The following DNAH1 variants were observed in gnomAD, a reference collection of about 807,000 sequenced individuals.
DNAH1 encodes dynein axonemal heavy chain 1.
DNAH1 carries 327 observed loss-of-function variants against 484.3 expected under a neutral mutation model. The observed-to-expected ratio is 0.68, with a 90% CI of 0.62 to 0.74. The LOEUF (loss-of-function observed/expected upper bound fraction) is 0.74. DNAH1 is among the 30% of genes least tolerant of loss of function. DNAH1 has a pLI of 0.00. For missense variants in DNAH1, 5,052 were observed against 5,546.8 expected, an observed-to-expected ratio of 0.91 and a Z score of 2.83; for synonymous variants, 2,192 against 2,191.9, an observed-to-expected ratio of 1.00 and a Z score of 0.00.
chr3:52,393,112 C>G, intron 65 of DNAH1, 87 bp downstream of exon 65: 1 of 1,506,288 alleles, frequency 6.6e-7, no homozygotes, highest in Non-Finnish European at 9.1e-7. Context: ...AAACTCACAA[C>G]TGTGTTCACT....
intron 8 of DNAH1, 124 bp from the exon 9 acceptor site, chr3:52,344,366 T>C: frequency 8.2e-7 from 1 of 1,222,032 alleles, no homozygotes; most frequent in Non-Finnish European, 1.1e-6. Context: ...GGTGTGCCCA[T>C]GAATCCAGAA....
Position 52,361,667 on chromosome 3 carries a change from G to A in DNAH1, c.4881G>A (p.Gly1627=). The A allele has an allele frequency of 5.6e-6, 9 of 1,604,964 alleles. No individual in the cohort carries two copies. The highest frequency in any genetic ancestry group is 7.7e-6 in the Non-Finnish European group (9 of 1,176,022). The change falls in exon 30 of 78, where the codon GGG becomes GGA. Residue 1627 remains glycine (G), a synonymous_variant. Transcript: ENST00000420323. The surrounding 1 kb of genome is among the most constrained non-coding windows in gnomAD (Gnocchi z 5.6). ...GKFFKGLASA[G]AWACFDEFNR... ...ATGTTCCGGCCTCACTCAGTGCTGG[G>A]GCCTGGGCCTGCTTCGACGAGTTCA...
intron 73 of DNAH1, 66 bp downstream of exon 73, chr3:52,397,110 C>A: frequency 7.0e-7 from 1 of 1,435,510 alleles, no homozygotes. Flanking sequence ...GTACCATGAG[C>A]ACCTTGGTGC....
At chr3:52,338,002 C>T (rs905105273) in intron 8 of DNAH1, among the ~76,000 whole-genome samples, 12 of 152,012 alleles carry the variant, frequency 7.9e-5, no homozygotes, top group African/African-American at 2.9e-4. Context: ...CTATGTTGCC[C>T]AGCCTGGTCT....
chr3:52,353,514 A>T lies in DNAH1; in HGVS notation c.3361A>T (p.Asn1121Tyr). The T allele has an allele frequency of 1.9e-6, 3 of 1,613,930 alleles. No homozygotes were observed. The highest frequency in any genetic ancestry group is 2.5e-6 in the Non-Finnish European group (3 of 1,179,902). The change falls in exon 20 of 78, where the codon AAT becomes TAT. Residue 1121 changes from asparagine (N) to tyrosine (Y), a missense_variant. Coordinates refer to ENST00000420323, the MANE Select transcript of DNAH1 (RefSeq NM_015512.5). This position sits in a 1 kb window ranked among gnomAD's most constrained non-coding sequence, Gnocchi z 5.0. ...WETLSNQINI[N>Y]VRPKANLTFA... The stretch of plus-strand genomic sequence containing the variant: ...GACACTGTCCAACCAGATCAACATC[A>T]ATGTCAGGCCCAAGGCCAACCTGAC...
At chr3:52,385,987 A>T (rs966661255) in intron 54 of DNAH1, among the ~76,000 whole-genome samples, 173 bp from the exon 55 acceptor site, 6 of 152,348 alleles carry the variant, frequency 3.9e-5, no homozygotes, top group African/African-American at 1.2e-4. Flanking sequence ...CGCCAGGCCC[A>T]TGGTGAGCAC....
chr3:52,393,814 G>A (rs935468577), intron 66 of DNAH1, among the ~76,000 whole-genome samples: 4 of 152,190 alleles, frequency 2.6e-5, no homozygotes, highest in South Asian at 2.1e-4. Flanking sequence ...CAGGAGAATC[G>A]CTTGAACCCA....
At position 52,360,377 on chromosome 3, in the gene DNAH1, G is replaced by T; in HGVS notation, c.4638G>T (p.Glu1546Asp). ...ATGCTGAGTTCATCTATGGCTATGAGTACCTGGGCAACAGTGGGAGGCTGG... is the reference window on the plus strand; with the variant it reads ...ATGCTGAGTTCATCTATGGCTATGATTACCTGGGCAACAGTGGGAGGCTGG... Reference protein sequence around the residue: ...AVNAEFIYGYEYLGNSGRLVI... With the variant: ...AVNAEFIYGYDYLGNSGRLVI... The change falls in exon 28 of 78, where the codon GAG becomes GAT. Residue 1546 changes from glutamate to aspartate, a missense_variant. By Grantham distance (45) the Glu-to-Asp change is conservative (BLOSUM62 2). Transcript: ENST00000420323. 6.2e-7 allele frequency: 1 copy of T among 1,614,004 alleles called. No individual in the cohort carries two copies. Among genetic ancestry groups the T allele is most frequent in the Non-Finnish European group, 8.5e-7 (1 of 1,179,884 alleles).
upstream of DNAH1, among the ~76,000 whole-genome samples, chr3:52,312,264 C>G (rs904553507): frequency 4.6e-5 from 7 of 152,136 alleles, no homozygotes; most frequent in Admixed American, 2.0e-4. Flanking sequence ...CAGTTTCTCT[C>G]TGCTTGGAGG....
chr3:52,339,804 CTGTGTGTGTG>C (rs59262545), intron 8 of DNAH1, among the ~76,000 whole-genome samples: 2 of 146,538 alleles, frequency 1.4e-5, no homozygotes, highest in African/African-American at 5.0e-5. Context: ...GTGTGTGTGT[CTGTGTGTGTG>C]TGTGTGTGTG....
At chr3:52,334,666 G>A (rs894917190) in intron 8 of DNAH1, among the ~76,000 whole-genome samples, 4 of 151,994 alleles carry the variant, frequency 2.6e-5, no homozygotes, top group Admixed American at 6.6e-5. Context: ...GGTGGCACAC[G>A]ACTATAATAC....
At chr3:52,360,692 A>C (rs1702817808) in intron 28 of DNAH1, among the ~76,000 whole-genome samples, 1 of 152,158 alleles carries the variant, frequency 6.6e-6, no homozygotes. Flanking sequence ...ATACATGTAG[A>C]GCTCTCAGCA....
chr3:52,330,456 C>A (rs1701501976), intron 6 of DNAH1, among the ~76,000 whole-genome samples: 1 of 152,218 alleles, frequency 6.6e-6, no homozygotes, highest in Admixed American at 6.5e-5. Context: ...AATGAGGCGA[C>A]CTGAGTGGAG....
At chr3:52,374,243 G>T in intron 44 of DNAH1, 1 of 1,450,676 alleles carries the variant, frequency 6.9e-7, no homozygotes, top group Non-Finnish European at 9.7e-7. Flanking sequence ...GGAAATATTG[G>T]GAAGTATAAT....
At chr3:52,398,201 CACTGG>C in intron 75 of DNAH1, 39 bp downstream of exon 75, 15 of 1,576,456 alleles carry the variant, frequency 9.5e-6, no homozygotes, top group Non-Finnish European at 1.2e-5. Flanking sequence ...AGTCAGCGGC[CACTGG>C]ACTGTAGAGA....
rs1703181600 is a variant in DNAH1, at chr3:52,368,607, T to C, written c.5766-134T>C. 4 of 968,798 alleles carry C rather than the reference T, an allele frequency of 4.1e-6. No homozygotes were observed. Among genetic ancestry groups the C allele is most frequent in the Admixed American group, 2.5e-5 (1 of 39,694 alleles). The allele number at this position is 968,798 out of a possible 1,614,324, so 60.0% of individuals were successfully genotyped here. On this transcript the variant is annotated intron_variant, in intron 36 of 77. Transcript: ENST00000420323. This position sits in a 1 kb window ranked among gnomAD's most constrained non-coding sequence, Gnocchi z 4.4. ...CAAAAAAATCCCACTTTTCCTATTA[T>C]AATTTTTAAAAGAACAAAGAGATTG...
intron 8 of DNAH1, among the ~76,000 whole-genome samples, chr3:52,337,773 T>G (rs13059674): frequency 0.2 from 30,064 of 152,140 alleles, 3,461 homozygotes; most frequent in African/African-American, 0.31. Flanking sequence ...TTAGTATCTG[T>G]CCTGTTTCAT....
chr3:52,367,547 CCT>C (rs1703137218), intron 36 of DNAH1, among the ~76,000 whole-genome samples: 1 of 151,834 alleles, frequency 6.6e-6, no homozygotes, highest in Admixed American at 6.6e-5. Flanking sequence ...AAAAAAGTCC[CCT>C]GTTAAAGAAA....
rs769539493 is a variant in DNAH1 at position 52,353,063 on chromosome 3, G to A, written c.3028-40G>A. On this transcript the variant is annotated intron_variant, in intron 18 of 77. Transcript: ENST00000420323. This position sits in a 1 kb window ranked among gnomAD's most constrained non-coding sequence, Gnocchi z 5.0. ...GCAACATGGAGAGAGACTGGGAAGT[G>A]TCCCAAGACAGCCCCAGCCCTGCCC... The A allele has an allele frequency of 1.7e-5, 27 of 1,575,324 alleles. No individual in the cohort carries two copies. The highest frequency in any genetic ancestry group is 1.2e-4 in the South Asian group (10 of 85,268).
Sources: gnomAD v4.1 joint callset for allele counts (sites outside exome capture counted in the v4.1 genomes callset) on GRCh38, gnomAD v4.1.1 for gene constraint, Gnocchi (gnomAD v3.1) non-coding constraint, MANE v1.5 for transcripts, NCBI Gene and HGNC (gene_info 2026-07-23, HGNC 2026-07-21) for gene names.